Variants in OXR1 observed in about 807,000 individuals in gnomAD.
OXR1 encodes the protein oxidation resistance 1.
Under a neutral mutation model 104.6 loss-of-function variants are expected in OXR1, and 41 were observed. The ratio of observed to expected loss-of-function variants is 0.39; its 90% CI spans 0.31 to 0.51. The LOEUF (loss-of-function observed/expected upper bound fraction) is 0.51. Among genes scored for constraint, OXR1 ranks in the 20% least tolerant of loss-of-function variants. The probability of loss-of-function intolerance (pLI) is 0.77; values close to 1 mark genes in which losing one functional copy is unlikely to be tolerated. For missense variants in OXR1, 955 were observed against 1,031.9 expected (o/e 0.93, Z 1.02); for synonymous variants, 348 against 348.4 (o/e 1.00, Z 0.01).
chr8:106,743,994 A>T (rs910353777), intron 15 of OXR1, among the ~76,000 whole-genome samples: 5 of 152,218 alleles, frequency 3.3e-5, no homozygotes, highest in African/African-American at 1.2e-4. Context: ...GAATGATGAG[A>T]ACACATGGAC....
chr8:106,391,591 T>A (rs1817587931), intron 2 of OXR1, among the ~76,000 whole-genome samples: 1 of 152,182 alleles, frequency 6.6e-6, no homozygotes, highest in Admixed American at 6.6e-5. Flanking sequence ...TTAGTTTTTT[T>A]ATATACCACA....
chr8:106,709,348 C>A lies in OXR1; in HGVS notation c.1625-1274C>A, dbSNP rs193075395. ...TTTAAAGGCCCTAAAATTTATTTAA[C>A]CATTTGCTTATTAAGACATCCAGTT... is the stretch of plus-strand genomic sequence containing the variant. On this transcript the variant is annotated intron_variant, in intron 9 of 16. Coordinates refer to ENST00000517566, the MANE Select transcript of OXR1 (RefSeq NM_001198533.2). Among the ~76,000 whole-genome samples, 260 of 152,010 alleles carry A rather than the reference C, an allele frequency of 1.7e-3. 1 individual carries two copies. The highest frequency in any genetic ancestry group is 6.2e-3 in the African/African-American group (255 of 41,460).
intron 4 of OXR1, among the ~76,000 whole-genome samples, chr8:106,681,605 G>A (rs944326953): frequency 6.6e-6 from 1 of 151,958 alleles, no homozygotes; most frequent in East Asian, 1.9e-4. Flanking sequence ...GCTCACTGCA[G>A]CCTCAACTTC....
intron 11 of OXR1, among the ~76,000 whole-genome samples, chr8:106,731,910 G>C (rs1833925990): frequency 6.6e-6 from 1 of 151,912 alleles, no homozygotes; most frequent in African/African-American, 2.4e-5. Context: ...ATAAATTTTA[G>C]AATCAATTTG....
chr8:106,745,990 G>C (rs572018486), intron 16 of OXR1, 128 bp downstream of exon 16: 3 of 587,098 alleles, frequency 5.1e-6, no homozygotes, highest in Non-Finnish European at 9.0e-6. Flanking sequence ...TTATGAAAAA[G>C]AGAGTATAAT....
intron 7 of OXR1, among the ~76,000 whole-genome samples, chr8:106,699,840 C>T (rs970105445): frequency 6.6e-6 from 1 of 151,492 alleles, no homozygotes; most frequent in Non-Finnish European, 1.5e-5. Context: ...GTTGATTATA[C>T]AAAAGATTAT....
intron 3 of OXR1, among the ~76,000 whole-genome samples, chr8:106,631,164 C>T (rs1443702101): frequency 6.6e-6 from 1 of 152,206 alleles, no homozygotes; most frequent in East Asian, 1.9e-4. Flanking sequence ...TAAGAGCTGA[C>T]TTAACCCTGT....
chr8:106,455,169 C>T (rs1820537150), intron 2 of OXR1, among the ~76,000 whole-genome samples: 1 of 152,078 alleles, frequency 6.6e-6, no homozygotes, highest in South Asian at 2.1e-4. Context: ...TGCCCTTGGT[C>T]AAGCATCATT....
At chr8:106,453,398 T>C (rs941303503) in intron 2 of OXR1, among the ~76,000 whole-genome samples, 1 of 152,176 alleles carries the variant, frequency 6.6e-6, no homozygotes, top group African/African-American at 2.4e-5. Flanking sequence ...CTTTAGTATA[T>C]TTCCATCAAT....
At chr8:106,530,506 GA>G (rs1316396807) in intron 3 of OXR1, among the ~76,000 whole-genome samples, 1 of 152,100 alleles carries the variant, frequency 6.6e-6, no homozygotes, top group East Asian at 1.9e-4. Context: ...GCTGGTCAAT[GA>G]AATTTTGACC....
chr8:106,418,453 A>G (rs188386932), intron 2 of OXR1, among the ~76,000 whole-genome samples: 4 of 152,136 alleles, frequency 2.6e-5, no homozygotes, highest in African/African-American at 9.6e-5. Context: ...ACCACTGTCA[A>G]CATTTTAGTG....
intron 2 of OXR1, among the ~76,000 whole-genome samples, chr8:106,491,064 C>G (rs1811052870): frequency 6.6e-6 from 1 of 152,202 alleles, no homozygotes; most frequent in Non-Finnish European, 1.5e-5. Flanking sequence ...TCATTTCCCT[C>G]TGCTCTTTTC....
chr8:106,528,091 C>G (rs1021390140), intron 3 of OXR1, among the ~76,000 whole-genome samples: 4 of 151,908 alleles, frequency 2.6e-5, no homozygotes, highest in Non-Finnish European at 4.4e-5. Flanking sequence ...CTTTTTTCCT[C>G]TTTTGTCCCC....
chr8:106,460,503 A>G (rs1820846626), intron 2 of OXR1, among the ~76,000 whole-genome samples: 1 of 152,198 alleles, frequency 6.6e-6, no homozygotes, highest in South Asian at 2.1e-4. Flanking sequence ...GCACCAAGTA[A>G]AGTGATGCCT....
chr8:106,340,053 T>C (rs2130262888), intron 1 of OXR1, among the ~76,000 whole-genome samples: 1 of 152,234 alleles, frequency 6.6e-6, no homozygotes, highest in South Asian at 2.1e-4. Context: ...GAAAGAATTT[T>C]TATAAGCTTC....
rs555944474 is a variant in OXR1 at position 106,703,145 on chromosome 8, C to CTAGATAG, written c.860+56_860+57insAGATAGT. 80 of 1,167,050 alleles carry CTAGATAG rather than the reference C, an allele frequency of 6.9e-5. No homozygotes were observed. In the African/African-American group the frequency reaches 1.1e-3, roughly 17 times the overall value. 72.3% of individuals were successfully genotyped at this position (1,167,050 alleles called of 1,614,324 possible). A position where few individuals can be genotyped will look rare whatever the true frequency, so the allele number is the denominator to read the frequency against. ...CTTTATTGTATCTAGATAGTTGACC[C>CTAGATAG]TTGTCTAATACCTTAACTATTTTTA... On this transcript the variant is annotated intron_variant, in intron 8 of 16. Transcript: ENST00000517566.
chr8:106,641,166 G>A (rs1290549526), intron 3 of OXR1, among the ~76,000 whole-genome samples: 2 of 152,028 alleles, frequency 1.3e-5, no homozygotes, highest in Non-Finnish European at 2.9e-5. Flanking sequence ...TCTTCTTTTT[G>A]CCATATGAGC....
rs140187185 is a variant in OXR1, at chr8:106,685,424, A to G, written c.525+1065A>G. Among the ~76,000 whole-genome samples, 36 of 152,264 alleles carry G rather than the reference A, an allele frequency of 2.4e-4. No homozygotes were observed. In the East Asian group the frequency reaches 5.4e-3, roughly 23 times the overall value. On this transcript the variant is annotated intron_variant, in intron 6 of 16. Transcript: ENST00000517566. ...GGTCTCTTCCTGTTCCTCGGCTTTA[A>G]CCTAAATCTGCCTGTCTACTGGCTT...
chr8:106,477,985 A>G (rs1205783940), intron 2 of OXR1, among the ~76,000 whole-genome samples: 1 of 151,892 alleles, frequency 6.6e-6, no homozygotes, highest in African/African-American at 2.4e-5. Flanking sequence ...TCTCATGTTG[A>G]CTGGGGATTG....
Sources: allele counts gnomAD v4.1 joint callset (sites outside exome capture counted in the v4.1 genomes callset), GRCh38; gene constraint gnomAD v4.1.1; transcripts MANE v1.5; gene names NCBI Gene and HGNC (gene_info 2026-07-23, HGNC 2026-07-21).